The following PACRG variants were observed in gnomAD, a reference collection of about 807,000 sequenced individuals.
PACRG encodes parkin coregulated, also known as parkin coregulated gene protein.
A neutral mutation model predicts 29.7 loss-of-function variants in PACRG; 29 were observed. The ratio of observed to expected loss-of-function variants is 0.98; its 90% CI spans 0.73 to 1.33. The LOEUF is 1.33. Ranked by LOEUF, PACRG falls within the 40% of genes most tolerant of loss-of-function variation. The pLI is 0.00. For missense variants in PACRG, 279 were observed against 316.2 expected (o/e 0.88, Z 0.89); for synonymous variants, 116 against 118.7 (o/e 0.98, Z 0.15).
rs116932179 is a variant in PACRG at position 162,914,145 on chromosome 6, C to T, written c.291+99864C>T. On this transcript the variant is annotated intron_variant, in intron 2 of 4. Coordinates refer to ENST00000366888, the MANE Select transcript of PACRG (RefSeq NM_001080379.2). ...CTAATCTAATAAATGTTTGCCTCCT[C>T]CAAGATCTCCTATGCTTTGTTTGTC... Among the ~76,000 whole-genome samples, 1,441 of 152,130 alleles carry T rather than the reference C, an allele frequency of 9.5e-3. 9 individuals are homozygous for T. The highest frequency in any genetic ancestry group is 0.016 in the African/African-American group (660 of 41,504).
chr6:162,972,538 C>A (rs192648339), intron 2 of PACRG, among the ~76,000 whole-genome samples: 5 of 152,316 alleles, frequency 3.3e-5, no homozygotes, highest in Non-Finnish European at 7.4e-5. Context: ...AGCTTCATCT[C>A]TGTTATAAAT....
intron 4 of PACRG, among the ~76,000 whole-genome samples, chr6:163,213,448 T>G (rs1219840636): frequency 1.3e-5 from 2 of 152,238 alleles, no homozygotes; most frequent in African/African-American, 4.8e-5. Flanking sequence ...GTGAATGAGT[T>G]GGGGATAAAG....
chr6:162,958,884 T>TATATAGAGAG (rs1562779944), intron 2 of PACRG, among the ~76,000 whole-genome samples: 5 of 21,164 alleles, frequency 2.4e-4, no homozygotes, highest in Non-Finnish European at 3.8e-4. Flanking sequence ...TATATATATA[T>TATATAGAGAG]AGAGAGAGAG....
At chr6:162,820,932 T>A (rs1185701228) in intron 2 of PACRG, among the ~76,000 whole-genome samples, 2 of 152,166 alleles carry the variant, frequency 1.3e-5, no homozygotes, top group Non-Finnish European at 2.9e-5. Context: ...TCCTTTGTGA[T>A]TAATTAATAG....
chr6:163,089,144 C>G, intron 3 of PACRG, 115 bp from the exon 4 acceptor site: 3 of 1,056,840 alleles, frequency 2.8e-6, no homozygotes, highest in Non-Finnish European at 4.1e-6. Context: ...GCCCATTGGT[C>G]CCCAGTAGAG....
intron 2 of PACRG, among the ~76,000 whole-genome samples, chr6:162,942,925 A>G (rs939521664): frequency 6.6e-5 from 10 of 152,218 alleles, no homozygotes; most frequent in Non-Finnish European, 1.3e-4. Flanking sequence ...CAAAGAAGTG[A>G]CAGGAAACAC....
chr6:162,988,566 G>A (rs760334741), intron 2 of PACRG, among the ~76,000 whole-genome samples: 4 of 152,176 alleles, frequency 2.6e-5, no homozygotes, highest in Non-Finnish European at 5.9e-5. Flanking sequence ...AAGCTATTAT[G>A]TAGCCATTCT....
chr6:163,098,291 A>AT (rs1673592729), intron 4 of PACRG, among the ~76,000 whole-genome samples: 1 of 152,090 alleles, frequency 6.6e-6, no homozygotes, highest in Non-Finnish European at 1.5e-5. Context: ...AGGCCATGTG[A>AT]TCTGAAGCCT....
intron 4 of PACRG, among the ~76,000 whole-genome samples, chr6:163,144,912 A>G (rs781178526): frequency 2.0e-4 from 30 of 152,192 alleles, no homozygotes; most frequent in Non-Finnish European, 3.1e-4. Flanking sequence ...TCACTTTCAC[A>G]ATGAAAGACT....
intron 2 of PACRG, among the ~76,000 whole-genome samples, chr6:162,901,910 A>C (rs535113635): frequency 4.5e-4 from 69 of 152,380 alleles, no homozygotes; most frequent in African/African-American, 1.7e-3. Context: ...AGTTCCTTCC[A>C]AGGTCATTAC....
chr6:162,727,744 G>C (rs1046279256), upstream of PACRG: 4 of 1,473,450 alleles, frequency 2.7e-6, no homozygotes, highest in African/African-American at 4.2e-5. Context: ...CCTCCCACCA[G>C]CGGCTCTCCT....
chr6:162,745,125 T>C (rs909607191), intron 1 of PACRG, among the ~76,000 whole-genome samples: 1 of 152,192 alleles, frequency 6.6e-6, no homozygotes, highest in Non-Finnish European at 1.5e-5. Context: ...TTCAGGAAGA[T>C]ATATATCATT....
At chr6:163,170,378 C>T (rs1043246502) in intron 4 of PACRG, 4 of 152,264 alleles carry the variant, frequency 2.6e-5, no homozygotes, top group African/African-American at 9.7e-5. Flanking sequence ...ACCGTCAGCT[C>T]GGAGCATTAA....
At chr6:162,828,587 A>G (rs1416615878) in intron 2 of PACRG, among the ~76,000 whole-genome samples, 2 of 152,238 alleles carry the variant, frequency 1.3e-5, no homozygotes, top group African/African-American at 4.8e-5. Context: ...AAATAAATAT[A>G]GAGACTGATA....
At chr6:162,951,290 T>C (rs1486833016) in intron 2 of PACRG, among the ~76,000 whole-genome samples, 1 of 152,232 alleles carries the variant, frequency 6.6e-6, no homozygotes, top group Non-Finnish European at 1.5e-5. Context: ...AAATGAAAGA[T>C]TGAAACTCGC....
At chr6:163,137,589 C>A (rs1166423636) in intron 4 of PACRG, among the ~76,000 whole-genome samples, 1 of 152,180 alleles carries the variant, frequency 6.6e-6, no homozygotes, top group Non-Finnish European at 1.5e-5. Flanking sequence ...CTCGAGAACA[C>A]CGTCAGTACT....
intron 4 of PACRG, among the ~76,000 whole-genome samples, chr6:163,158,557 T>A (rs114711724): frequency 0.011 from 1,733 of 152,276 alleles, 32 homozygotes; most frequent in African/African-American, 0.04. Context: ...GCAAGCCGGG[T>A]AGTTATTCAG....
chr6:163,130,392 G>C (rs1816687362), intron 4 of PACRG, among the ~76,000 whole-genome samples: 1 of 152,078 alleles, frequency 6.6e-6, no homozygotes, highest in Non-Finnish European at 1.5e-5. Context: ...CTTAAGTCAG[G>C]AACTAATTTT....
At chr6:162,915,742 C>G (rs559408654) in intron 2 of PACRG, among the ~76,000 whole-genome samples, 3 of 152,014 alleles carry the variant, frequency 2.0e-5, no homozygotes, top group African/African-American at 7.2e-5. Flanking sequence ...ATATACCTAA[C>G]CTTTCACAGT....
Sources: gnomAD v4.1 joint callset for allele counts (sites outside exome capture counted in the v4.1 genomes callset) on GRCh38, gnomAD v4.1.1 for gene constraint, MANE v1.5 for transcripts, NCBI Gene and HGNC (gene_info 2026-07-23, HGNC 2026-07-21) for gene names.